Variants in EPHA5 observed in about 807,000 individuals in gnomAD.
EPHA5 encodes EPH receptor A5.
A neutral mutation model predicts 105.0 loss-of-function variants in EPHA5; 60 were observed. The ratio of observed to expected loss-of-function variants is 0.57; its 90% CI spans 0.46 to 0.71. EPHA5 has a LOEUF of 0.71. Among genes scored for constraint, EPHA5 ranks in the 30% least tolerant of loss-of-function variants. The pLI is 0.00. For synonymous variants in EPHA5, 513 were observed against 449.1 expected (o/e 1.14, Z -1.80); for missense variants, 1,218 against 1,274.7 (o/e 0.96, Z 0.68).
intron 5 of EPHA5, among the ~76,000 whole-genome samples, chr4:65,484,892 C>T (rs1190808211): frequency 7.2e-5 from 11 of 151,948 alleles, no homozygotes; most frequent in Admixed American, 7.2e-4. Context: ...GTTGCTATGT[C>T]TCTATCTGTA....
chr4:65,601,072 T>C (rs1272868398), intron 3 of EPHA5, among the ~76,000 whole-genome samples: 1 of 152,234 alleles, frequency 6.6e-6, no homozygotes, highest in African/African-American at 2.4e-5. Flanking sequence ...TAAAAATATC[T>C]GTAATTTTTA....
At chr4:65,558,047 T>C (rs894173671) in intron 3 of EPHA5, among the ~76,000 whole-genome samples, 1 of 152,014 alleles carries the variant, frequency 6.6e-6, no homozygotes, top group African/African-American at 2.4e-5. Flanking sequence ...CAGCTAACTT[T>C]TGTATTTTTA....
At chr4:65,468,620 A>G (rs1370743038) in intron 5 of EPHA5, among the ~76,000 whole-genome samples, 4 of 133,442 alleles carry the variant, frequency 3.0e-5, no homozygotes, top group African/African-American at 8.3e-5. Flanking sequence ...TATTATATAT[A>G]TATGTAAAAT....
chr4:65,616,634 A>T (rs1042316847), intron 2 of EPHA5, among the ~76,000 whole-genome samples: 17 of 152,018 alleles, frequency 1.1e-4, no homozygotes, highest in African/African-American at 3.9e-4. Context: ...ACAAAATAAG[A>T]TAAAGAGTAT....
intron 5 of EPHA5, among the ~76,000 whole-genome samples, chr4:65,426,671 C>T (rs189680363): frequency 2.9e-4 from 44 of 152,244 alleles, no homozygotes; most frequent in Middle Eastern, 6.8e-3. Flanking sequence ...ATATATAGCA[C>T]ATGGTCCTAC....
At chr4:65,508,996 T>C (rs1031167935) in intron 3 of EPHA5, among the ~76,000 whole-genome samples, 7 of 152,166 alleles carry the variant, frequency 4.6e-5, no homozygotes, top group Admixed American at 4.6e-4. Flanking sequence ...ATTTTGCAAA[T>C]GTTCAGTGCA....
chr4:65,651,148 A>T (rs1346693868), intron 1 of EPHA5, among the ~76,000 whole-genome samples: 5 of 152,222 alleles, frequency 3.3e-5, no homozygotes, highest in Admixed American at 6.5e-5. Context: ...TATTTCCTGG[A>T]ACTGATACAG....
At chr4:65,430,451 A>T (rs1724863523) in intron 5 of EPHA5, among the ~76,000 whole-genome samples, 1 of 152,092 alleles carries the variant, frequency 6.6e-6, no homozygotes, top group Admixed American at 6.6e-5. Context: ...GAATGAACAA[A>T]TAGATGTATG....
At chr4:65,376,133 C>G (rs1385691361) in intron 8 of EPHA5, among the ~76,000 whole-genome samples, 1 of 151,880 alleles carries the variant, frequency 6.6e-6, no homozygotes. Flanking sequence ...TACTTTACAC[C>G]TAGAGAATAC....
intron 8 of EPHA5, among the ~76,000 whole-genome samples, chr4:65,400,581 G>A (rs914931994): frequency 2.0e-4 from 30 of 152,028 alleles, no homozygotes; most frequent in African/African-American, 7.2e-4. Context: ...TGTCTAGGTA[G>A]GAAGATTCCA....
intron 5 of EPHA5, among the ~76,000 whole-genome samples, chr4:65,443,323 C>T (rs1360408465): frequency 1.3e-5 from 2 of 151,340 alleles, no homozygotes; most frequent in African/African-American, 2.4e-5. Flanking sequence ...TGCACAAAAC[C>T]GGTAATTGTA....
intron 8 of EPHA5, among the ~76,000 whole-genome samples, chr4:65,369,518 A>T (rs914309126): frequency 3.3e-5 from 5 of 152,168 alleles, no homozygotes; most frequent in Non-Finnish European, 7.3e-5. Context: ...CACATGTACT[A>T]ACAGAGACTT....
chr4:65,353,691 T>A (rs1343210241), intron 11 of EPHA5, among the ~76,000 whole-genome samples: 1 of 151,768 alleles, frequency 6.6e-6, no homozygotes, highest in Non-Finnish European at 1.5e-5. Context: ...ATTCTCACAA[T>A]TCTAAATAAA....
chr4:65,348,681 T>C (rs1486104765), intron 13 of EPHA5, among the ~76,000 whole-genome samples: 1 of 80,676 alleles, frequency 1.2e-5, no homozygotes, highest in Admixed American at 1.4e-4. Context: ...TATATATATA[T>C]ATATATATAT....
At chr4:65,440,165 A>G (rs1438072860) in intron 5 of EPHA5, among the ~76,000 whole-genome samples, 1 of 152,060 alleles carries the variant, frequency 6.6e-6, no homozygotes, top group Non-Finnish European at 1.5e-5. Flanking sequence ...TGTTATTTCT[A>G]ACTTCAGAAA....
intron 8 of EPHA5, among the ~76,000 whole-genome samples, chr4:65,370,305 C>T (rs889154139): frequency 2.0e-5 from 3 of 152,154 alleles, no homozygotes; most frequent in Admixed American, 2.0e-4. Flanking sequence ...CATAATTTTG[C>T]TAGATATAAA....
intron 5 of EPHA5, among the ~76,000 whole-genome samples, chr4:65,446,748 G>C (rs1283536381): frequency 6.6e-6 from 1 of 152,138 alleles, no homozygotes; most frequent in Non-Finnish European, 1.5e-5. Context: ...GGAGGGATTG[G>C]GGGTCATTGT....
At chr4:65,324,511 C>G (rs1247280106) in intron 16 of EPHA5, among the ~76,000 whole-genome samples, 1 of 151,102 alleles carries the variant, frequency 6.6e-6, no homozygotes, top group South Asian at 2.1e-4. Context: ...CACATTATTA[C>G]CAATAAAGAG....
chr4:65,643,021 T>C (rs1381221749), intron 2 of EPHA5, among the ~76,000 whole-genome samples: 1 of 152,072 alleles, frequency 6.6e-6, no homozygotes, highest in African/African-American at 2.4e-5. Context: ...GGCAAATTAA[T>C]AGCAAATAAA....
Sources: gnomAD v4.1 joint callset for allele counts (sites outside exome capture counted in the v4.1 genomes callset) on GRCh38, gnomAD v4.1.1 for gene constraint, MANE v1.5 for transcripts, NCBI Gene and HGNC (gene_info 2026-07-23, HGNC 2026-07-21) for gene names.